Variants in CCP110 observed in about 807,000 individuals in gnomAD.
CCP110 encodes centriolar coiled-coil protein 110, also known as centriolar coiled-coil protein of 110 kDa.
Under a neutral mutation model 105.5 loss-of-function variants are expected in CCP110, and 43 were observed. That is an observed-to-expected ratio of 0.41 (90% CI 0.32 to 0.53). The LOEUF (loss-of-function observed/expected upper bound fraction) is 0.53. CCP110 is among the 20% of genes least tolerant of loss of function. The probability of loss-of-function intolerance (pLI) is 0.32; values close to 1 mark genes in which losing one functional copy is unlikely to be tolerated. For missense variants in CCP110, 1,016 were observed against 1,189.1 expected, an observed-to-expected ratio of 0.85 and a Z score of 2.14; for synonymous variants, 353 against 392.1, an observed-to-expected ratio of 0.90 and a Z score of 1.18.
Position 19,548,451 on chromosome 16 carries a change from C to G in CCP110, c.2901-64C>G. On this transcript the variant is annotated intron_variant, in intron 13 of 14. Transcript: ENST00000381396. This position sits in a 1 kb window ranked among gnomAD's most constrained non-coding sequence, Gnocchi z 4.1. ...ACAGTTGATGCAATGTGATTGCTTT[C>G]TTTGAATTTTGAACATTTAGACCTT... 9.4e-7 allele frequency: 1 copy of G among 1,065,054 alleles called. No individual in the cohort carries two copies. The allele number at this position is 1,065,054 out of a possible 1,614,324, so 66.0% of individuals were successfully genotyped here.
At chr16:19,531,678 T>C (rs1181959071) in intron 2 of CCP110, among the ~76,000 whole-genome samples, 1 of 152,216 alleles carries the variant, frequency 6.6e-6, no homozygotes, top group African/African-American at 2.4e-5. Flanking sequence ...AATAAGATAC[T>C]GAAGATGGGC....
intron 3 of CCP110, among the ~76,000 whole-genome samples, chr16:19,533,960 C>A (rs1285081784): frequency 6.6e-6 from 1 of 152,102 alleles, no homozygotes; most frequent in Non-Finnish European, 1.5e-5. Context: ...TGTAATGAGT[C>A]TTCAGAATCT....
intron 2 of CCP110, among the ~76,000 whole-genome samples, chr16:19,531,240 T>TC (rs1969856117): frequency 6.6e-6 from 1 of 152,250 alleles, no homozygotes; most frequent in African/African-American, 2.4e-5. Context: ...GGTCTATGAC[T>TC]CCGTCTGTTA....
chr16:19,549,289 G>T (rs1970560019), intron 14 of CCP110, among the ~76,000 whole-genome samples: 1 of 152,112 alleles, frequency 6.6e-6, no homozygotes, highest in Non-Finnish European at 1.5e-5. Context: ...TCCAAATGTT[G>T]TGCTTTAACT....
intron 2 of CCP110, among the ~76,000 whole-genome samples, chr16:19,531,684 T>C (rs1969872154): frequency 6.6e-6 from 1 of 152,154 alleles, no homozygotes; most frequent in Admixed American, 6.6e-5. Flanking sequence ...ATACTGAAGA[T>C]GGGCCAGGCG....
intron 11 of CCP110, 70 bp downstream of exon 11, chr16:19,545,960 C>A: frequency 2.3e-6 from 2 of 853,220 alleles, no homozygotes; most frequent in Non-Finnish European, 3.8e-6. Context: ...GGTCTATTTG[C>A]ATATTTAAAT....
chr16:19,533,743 T>A (rs565131377), intron 3 of CCP110, among the ~76,000 whole-genome samples: 5 of 152,196 alleles, frequency 3.3e-5, no homozygotes, highest in Non-Finnish European at 7.3e-5. Flanking sequence ...TCAGCAGAAC[T>A]CTGGGTTGGT....
exon 15 of CCP110, chr16:19,552,376 C>T (rs577104629): frequency 2.6e-5 from 4 of 152,100 alleles, no homozygotes; most frequent in East Asian, 3.9e-4. Flanking sequence ...ACTGAAAATA[C>T]AAAAATTAGG....
At chr16:19,544,812 A>C (rs1331195805) in exon 9 of CCP110, 1 of 1,568,004 alleles carries the variant, frequency 6.4e-7, no homozygotes, top group Non-Finnish European at 8.8e-7. Context: ...TATGGAATTC[A>C]TAAGAAGTTT....
exon 4 of CCP110, chr16:19,536,957 A>G (rs973873957): frequency 6.2e-7 from 1 of 1,614,234 alleles, no homozygotes; most frequent in Non-Finnish European, 8.5e-7. Context: ...AAAGTTACCA[A>G]CTGATTTAGC....
chr16:19,549,538 T>C (rs1388179206), intron 14 of CCP110, among the ~76,000 whole-genome samples: 2 of 152,200 alleles, frequency 1.3e-5, no homozygotes, highest in Non-Finnish European at 2.9e-5. Context: ...ATATATAGGA[T>C]AATTTAAAAG....
At chr16:19,542,560 G>A in intron 6 of CCP110, 61 bp from the exon 7 acceptor site, 3 of 1,269,426 alleles carry the variant, frequency 2.4e-6, no homozygotes, top group South Asian at 1.2e-5. Flanking sequence ...TGTTTATTGG[G>A]ATGTTCTTCG....
intron 12 of CCP110, chr16:19,547,664 A>G (rs1970508137): frequency 4.1e-6 from 1 of 243,306 alleles, no homozygotes; most frequent in African/African-American, 2.3e-5. Context: ...GGGAAAAGTT[A>G]GCTTTTGTAA....
chr16:19,533,446 G>A (rs192158220), intron 3 of CCP110, among the ~76,000 whole-genome samples: 2 of 151,994 alleles, frequency 1.3e-5, no homozygotes, highest in South Asian at 2.1e-4. Flanking sequence ...AAAGGGGAGA[G>A]AACAGCAGGA....
At chr16:19,536,169 G>C in exon 4 of CCP110, 1 of 1,613,952 alleles carries the variant, frequency 6.2e-7, no homozygotes, top group African/African-American at 1.3e-5. Context: ...GATTCAGAAG[G>C]ATTTAATTCT....
At chr16:19,543,077 C>T in intron 8 of CCP110, 83 bp downstream of exon 8, 4 of 804,570 alleles carry the variant, frequency 5.0e-6, no homozygotes, top group South Asian at 4.8e-5. Flanking sequence ...CAGATTAGTT[C>T]AGAACTTAAA....
chr16:19,545,584 G>C (rs576242324), intron 10 of CCP110, among the ~76,000 whole-genome samples: 31 of 152,084 alleles, frequency 2.0e-4, no homozygotes, highest in Non-Finnish European at 4.4e-4. Flanking sequence ...TATGTGATTT[G>C]AATCAGTTAT....
Position 19,548,829 on chromosome 16 carries a change from C to T in CCP110, c.2986+229C>T, listed in dbSNP as rs1326151055. ...ATTTCTATAATATTTCTGTGGAAAG[C>T]ACCTTGTATTTTTCATTCTGAAAAA... On this transcript the variant is annotated intron_variant, in intron 14 of 14. Coordinates refer to ENST00000381396, the Ensembl canonical transcript of CCP110. This position sits in a 1 kb window ranked among gnomAD's most constrained non-coding sequence, Gnocchi z 4.1. Among the ~76,000 whole-genome samples the T allele has an allele frequency of 1.3e-5, 2 of 152,162 alleles. No homozygotes were observed. The highest frequency in any genetic ancestry group is 2.9e-5 in the Non-Finnish European group (2 of 68,028).
exon 4 of CCP110, chr16:19,536,954 C>T: frequency 6.2e-7 from 1 of 1,614,160 alleles, no homozygotes; most frequent in Non-Finnish European, 8.5e-7. Context: ...GCCAAAGTTA[C>T]CAACTGATTT....
Sources: gnomAD v4.1 joint callset for allele counts (sites outside exome capture counted in the v4.1 genomes callset) on GRCh38, gnomAD v4.1.1 for gene constraint, Gnocchi (gnomAD v3.1) non-coding constraint, MANE v1.5 for transcripts, NCBI Gene and HGNC (gene_info 2026-07-23, HGNC 2026-07-21) for gene names.